The following RIMS1 variants were observed in gnomAD, a reference collection of about 807,000 sequenced individuals.
RIMS1 encodes regulating synaptic membrane exocytosis protein 1.
In RIMS1, 83 loss-of-function variants were observed where a neutral mutation model predicts 214.1. The ratio of observed to expected loss-of-function variants is 0.39; its 90% CI spans 0.32 to 0.47. The LOEUF (loss-of-function observed/expected upper bound fraction) is 0.47, where lower values mean the gene tolerates loss of function less well. Among genes scored for constraint, RIMS1 ranks in the 20% least tolerant of loss-of-function variants. The pLI is 0.99. For missense variants in RIMS1, 2,050 were observed against 2,161.8 expected (o/e 0.95, Z 1.03); for synonymous variants, 793 against 786.8 (o/e 1.01, Z -0.13).
intron 1 of RIMS1, among the ~76,000 whole-genome samples, chr6:71,888,037 A>G (rs759015871): frequency 1.3e-4 from 20 of 152,046 alleles, no homozygotes; most frequent in Non-Finnish European, 2.5e-4. Flanking sequence ...GAGCGCATCA[A>G]CCCTTCAAGG....
chr6:71,989,378 T>C (rs1197233539), intron 2 of RIMS1, among the ~76,000 whole-genome samples: 1 of 152,194 alleles, frequency 6.6e-6, no homozygotes, highest in Non-Finnish European at 1.5e-5. Flanking sequence ...CCCTATCCTT[T>C]GGAATGAAAC....
chr6:71,979,283 T>C (rs769744067), intron 2 of RIMS1, among the ~76,000 whole-genome samples: 4 of 152,004 alleles, frequency 2.6e-5, no homozygotes, highest in Admixed American at 6.6e-5. Flanking sequence ...GTGTATTTAA[T>C]GGCAGCTTTA....
chr6:72,031,054 C>G (rs1026355966), intron 2 of RIMS1, among the ~76,000 whole-genome samples: 1 of 152,120 alleles, frequency 6.6e-6, no homozygotes, highest in Non-Finnish European at 1.5e-5. Flanking sequence ...AAAATAAATA[C>G]AACACATGGC....
chr6:72,072,242 A>T (rs1224882283), intron 2 of RIMS1, among the ~76,000 whole-genome samples: 1 of 152,342 alleles, frequency 6.6e-6, no homozygotes, highest in South Asian at 2.1e-4. Flanking sequence ...ATATTTTAAT[A>T]TTCATTGAGC....
At chr6:71,983,442 AG>A (rs929758494) in intron 2 of RIMS1, among the ~76,000 whole-genome samples, 7 of 150,570 alleles carry the variant, frequency 4.6e-5, no homozygotes, top group Non-Finnish European at 8.9e-5. Flanking sequence ...TCAGAAAAAA[AG>A]GGTTTTTTTT....
intron 6 of RIMS1, among the ~76,000 whole-genome samples, chr6:72,232,825 C>T (rs1251934915): frequency 6.6e-6 from 1 of 151,630 alleles, no homozygotes; most frequent in Non-Finnish European, 1.5e-5. Context: ...ATCTGCAGTG[C>T]CTGTCATGTA....
At chr6:72,108,290 A>G (rs755113400) in intron 4 of RIMS1, among the ~76,000 whole-genome samples, 57 of 151,700 alleles carry the variant, frequency 3.8e-4, no homozygotes, top group Non-Finnish European at 7.2e-4. Context: ...GGGTTTTACC[A>G]TGTTGCCCAG....
intron 4 of RIMS1, among the ~76,000 whole-genome samples, chr6:72,101,315 T>G (rs912421175): frequency 3.3e-5 from 5 of 151,978 alleles, no homozygotes; most frequent in African/African-American, 1.2e-4. Flanking sequence ...ATAATCACTT[T>G]CAATTATTTT....
At chr6:71,921,111 C>T (rs1033225095) in intron 1 of RIMS1, among the ~76,000 whole-genome samples, 1 of 152,052 alleles carries the variant, frequency 6.6e-6, no homozygotes, top group Admixed American at 6.5e-5. Flanking sequence ...CTCTGGTCTT[C>T]AATACAAGCC....
chr6:72,097,018 C>T lies in RIMS1; in HGVS notation c.315C>T (p.Tyr105=). The stretch of plus-strand genomic sequence containing the variant: ...AAATAGGGGAAGAAGCGCGGCGTTA[C>T]CAGGGCGAGCACAAAGACGATGCTC... ...VRKIGEEARR[Y]QGEHKDDAPT... is the part of the protein sequence containing the mutation. The change falls in exon 3 of 34, where the codon TAC becomes TAT. Residue 105 remains tyrosine, a synonymous_variant. Transcript: ENST00000521978. 1 of 1,613,936 alleles carries T rather than the reference C, an allele frequency of 6.2e-7. No individual in the cohort carries two copies. Among genetic ancestry groups the T allele is most frequent in the Non-Finnish European group, 8.5e-7 (1 of 1,179,878 alleles).
At chr6:72,374,343 A>AC (rs775955087) in intron 29 of RIMS1, among the ~76,000 whole-genome samples, 52 of 152,264 alleles carry the variant, frequency 3.4e-4, no homozygotes, top group Non-Finnish European at 6.3e-4. Context: ...ACCTATTCTA[A>AC]CCACAGTCAG....
In RIMS1 at chr6:72,006,426, T is replaced by C. The variant is rs186653988; in HGVS notation, c.245+37363T>C. Among the ~76,000 whole-genome samples, 10 of 152,316 alleles carry C rather than the reference T, an allele frequency of 6.6e-5. No individual in the cohort carries two copies. The East Asian group carries it at 1.7e-3, about 26-fold the overall frequency. On this transcript the variant is annotated intron_variant, in intron 2 of 33. Transcript: ENST00000521978. ...AGCAACGCAGAAGATGAAGGATTTC[T>C]GCATTTCCAGCTGAGGTACTGGGTT...
intron 2 of RIMS1, among the ~76,000 whole-genome samples, chr6:72,039,710 T>C (rs1361290012): frequency 6.6e-6 from 1 of 152,046 alleles, no homozygotes; most frequent in African/African-American, 2.4e-5. Flanking sequence ...GTGGAGTTAT[T>C]GGTTTGCATT....
At chr6:72,006,295 G>T (rs565552736) in intron 2 of RIMS1, among the ~76,000 whole-genome samples, 18 of 152,158 alleles carry the variant, frequency 1.2e-4, no homozygotes, top group Non-Finnish European at 2.2e-4. Flanking sequence ...CTTAGTTAGG[G>T]TTTTCAAGAA....
At chr6:72,096,544 A>C (rs1208131871) in intron 2 of RIMS1, among the ~76,000 whole-genome samples, 1 of 152,250 alleles carries the variant, frequency 6.6e-6, no homozygotes, top group Non-Finnish European at 1.5e-5. Context: ...AGTAGAGTAC[A>C]TCATATGTAT....
chr6:72,287,756 G>C (rs568339878), intron 24 of RIMS1, among the ~76,000 whole-genome samples: 1 of 152,040 alleles, frequency 6.6e-6, no homozygotes. Flanking sequence ...TATACGCCCG[G>C]CTAATTTTTG....
rs56373385 is a variant in RIMS1, at chr6:72,064,331, A to AAG, written c.246-32599_246-32598dup. On this transcript the variant is annotated intron_variant, in intron 2 of 33. Coordinates refer to ENST00000521978, the MANE Select transcript of RIMS1 (RefSeq NM_014989.7). ...AAAACTCCATAGAAAGAAAGAAAGA[A>AAG]AGAGAGAGAGAGAGAGAGAGGGAAG... Among the ~76,000 whole-genome samples, 234 of 137,076 alleles carry AAG rather than the reference A, an allele frequency of 1.7e-3. 1 individual carries two copies. The highest frequency in any genetic ancestry group is 3.0e-3 in the East Asian group (15 of 4,964). The allele number at this position is 137,076 out of a possible 152,430, so 89.9% of individuals were successfully genotyped here.
chr6:71,980,740 C>A (rs73750312), intron 2 of RIMS1, among the ~76,000 whole-genome samples: 111 of 151,724 alleles, frequency 7.3e-4, no homozygotes, highest in African/African-American at 2.6e-3. Context: ...TGAGACATGG[C>A]TAATAATAGT....
At chr6:72,362,604 T>C (rs1296226892) in intron 29 of RIMS1, among the ~76,000 whole-genome samples, 1 of 152,228 alleles carries the variant, frequency 6.6e-6, no homozygotes. Context: ...TTATCCCCAG[T>C]TGTTTAATAT....
Sources: allele counts gnomAD v4.1 joint callset (sites outside exome capture counted in the v4.1 genomes callset), GRCh38; gene constraint gnomAD v4.1.1; transcripts MANE v1.5; gene names NCBI Gene and HGNC (gene_info 2026-07-23, HGNC 2026-07-21).